The following LYZL4 variants were observed in gnomAD, a reference collection of about 807,000 sequenced individuals.
LYZL4 encodes the protein lysozyme like 4.
A neutral mutation model predicts 17.6 loss-of-function variants in LYZL4; 13 were observed. The ratio of observed to expected loss-of-function variants is 0.74; its 90% CI spans 0.48 to 1.18. LYZL4 has a LOEUF of 1.18. Ranked by LOEUF, LYZL4 falls within the 50% of genes most tolerant of loss-of-function variation. LYZL4 has a pLI of 0.00. For synonymous variants in LYZL4, 64 were observed against 67.7 expected (o/e 0.95, Z 0.27); for missense variants, 174 against 188.2 (o/e 0.92, Z 0.44).
At chr3:42,383,060 C>A in the LYZL4 span, among the ~76,000 whole-genome samples, 8 of 152,302 alleles carry the variant, frequency 5.3e-5, no homozygotes, top group East Asian at 1.4e-3. Context: ...GCTTGTCCCC[C>A]ACTACTCTAG....
At chr3:42,391,491 G>A in the LYZL4 span, among the ~76,000 whole-genome samples, 1 of 152,186 alleles carries the variant, frequency 6.6e-6, no homozygotes, top group Non-Finnish European at 1.5e-5. Flanking sequence ...GTGTTTCAAG[G>A]AGGGAATGAT....
the LYZL4 span, among the ~76,000 whole-genome samples, chr3:42,388,639 A>G: frequency 6.6e-6 from 1 of 152,252 alleles, no homozygotes; most frequent in South Asian, 2.1e-4. Flanking sequence ...AACTGAAACC[A>G]GTAAAATTTT....
At chr3:42,364,462 C>T in the LYZL4 span, among the ~76,000 whole-genome samples, 1 of 151,550 alleles carries the variant, frequency 6.6e-6, no homozygotes, top group Non-Finnish European at 1.5e-5. Context: ...CCTGCTTCAG[C>T]CTCCCAAGTA....
intron 4 of LYZL4, among the ~76,000 whole-genome samples, chr3:42,402,180 C>T (rs1698667222): frequency 6.7e-6 from 1 of 150,198 alleles, no homozygotes; most frequent in Admixed American, 6.6e-5. Flanking sequence ...GTGACATGTG[C>T]CTGTTGTCCT....
chr3:42,374,670 C>G, the LYZL4 span, among the ~76,000 whole-genome samples: 8 of 152,180 alleles, frequency 5.3e-5, no homozygotes, highest in African/African-American at 1.9e-4. Context: ...ACCTCAGTCC[C>G]CACCTGTCCC....
At chr3:42,367,618 TG>T in the LYZL4 span, among the ~76,000 whole-genome samples, 6,365 of 152,140 alleles carry the variant, frequency 0.042, 212 homozygotes, top group Middle Eastern at 0.11. Context: ...TGCCTGTAGC[TG>T]GGGAATAGGC....
At chr3:42,363,989 G>C in the LYZL4 span, among the ~76,000 whole-genome samples, 2 of 152,172 alleles carry the variant, frequency 1.3e-5, no homozygotes, top group African/African-American at 2.4e-5. Flanking sequence ...CACAGGCAAA[G>C]GCTTGAGCCA....
At chr3:42,390,405 G>A in the LYZL4 span, among the ~76,000 whole-genome samples, 164 of 152,270 alleles carry the variant, frequency 1.1e-3, no homozygotes, top group African/African-American at 3.0e-3. Flanking sequence ...CAACAACAAC[G>A]ATTTCTCTTC....
chr3:42,383,573 T>A, the LYZL4 span, among the ~76,000 whole-genome samples: 1 of 152,002 alleles, frequency 6.6e-6, no homozygotes, highest in East Asian at 1.9e-4. Flanking sequence ...AACACACATC[T>A]TAGAGAAGAC....
At chr3:42,386,808 T>C in the LYZL4 span, among the ~76,000 whole-genome samples, 2 of 152,190 alleles carry the variant, frequency 1.3e-5, no homozygotes, top group African/African-American at 4.8e-5. Context: ...TATTCACAGA[T>C]AAAATGCTAT....
chr3:42,377,574 C>T, the LYZL4 span, among the ~76,000 whole-genome samples: 1 of 151,752 alleles, frequency 6.6e-6, no homozygotes, highest in African/African-American at 2.4e-5. Context: ...CTGATATCCA[C>T]ACGATGAAAT....
the LYZL4 span, among the ~76,000 whole-genome samples, chr3:42,366,136 C>A: frequency 1.3e-5 from 2 of 152,058 alleles, no homozygotes; most frequent in Non-Finnish European, 2.9e-5. Flanking sequence ...CATGTTTGTC[C>A]ACATTGGGAG....
At chr3:42,377,546 T>A in the LYZL4 span, among the ~76,000 whole-genome samples, 1 of 152,000 alleles carries the variant, frequency 6.6e-6, no homozygotes, top group Non-Finnish European at 1.5e-5. Flanking sequence ...TCCATCTAGG[T>A]TTGTGTAAAG....
chr3:42,378,808 G>T, the LYZL4 span, among the ~76,000 whole-genome samples: 1 of 152,146 alleles, frequency 6.6e-6, no homozygotes, highest in Non-Finnish European at 1.5e-5. Context: ...TACTTTACAT[G>T]CATAATCTCA....
chr3:42,371,725 T>A, the LYZL4 span, among the ~76,000 whole-genome samples: 1 of 152,138 alleles, frequency 6.6e-6, no homozygotes, highest in African/African-American at 2.4e-5. Flanking sequence ...GTACATATAA[T>A]CCATGAAACT....
chr3:42,408,734 A>G (rs562917597), intron 1 of LYZL4, among the ~76,000 whole-genome samples: 15 of 152,280 alleles, frequency 9.9e-5, no homozygotes, highest in African/African-American at 3.1e-4. Context: ...CACCGTTCAC[A>G]GGTGCATGTC....
At chr3:42,365,633 C>G in the LYZL4 span, among the ~76,000 whole-genome samples, 2 of 152,152 alleles carry the variant, frequency 1.3e-5, no homozygotes, top group Non-Finnish European at 2.9e-5. Context: ...AGTCACGTAG[C>G]TAGGTGCAAA....
Position 42,407,205 on chromosome 3 carries a change from G to A in LYZL4, c.47C>T (p.Pro16Leu). Residue 16 changes from proline (P) to leucine (L), a missense_variant, in exon 2 of 5, where the codon CCA becomes CTA. Transcript: ENST00000287748. ...ACGCCCCAAGATGTAAGCACCACTT[G>A]GAACCACCAGGTAGCCAAGGAGGGA... ...VLSLLGYLVV[P>L]SGAYILGRCT... The A allele has an allele frequency of 6.2e-7, 1 of 1,614,154 alleles. No homozygotes were observed. Among genetic ancestry groups the A allele is most frequent in the Non-Finnish European group, 8.5e-7 (1 of 1,180,030 alleles).
chr3:42,383,158 T>C, the LYZL4 span, among the ~76,000 whole-genome samples: 16 of 152,140 alleles, frequency 1.1e-4, no homozygotes, highest in Non-Finnish European at 8.8e-5. Context: ...GCAGGAGTAT[T>C]ATACTGAAAA....
Sources: allele counts gnomAD v4.1 joint callset (sites outside exome capture counted in the v4.1 genomes callset), GRCh38; gene constraint gnomAD v4.1.1; transcripts MANE v1.5; gene names NCBI Gene and HGNC (gene_info 2026-07-23, HGNC 2026-07-21).